CRCP: variants seen among roughly 807,000 people sequenced by gnomAD.
The protein encoded by CRCP is CGRP receptor component.
In CRCP, 18 loss-of-function variants were observed where a neutral mutation model predicts 18.5. The ratio of observed to expected loss-of-function variants is 0.97; its 90% CI spans 0.67 to 1.44. The LOEUF (loss-of-function observed/expected upper bound fraction) is 1.44, where lower values mean the gene tolerates loss of function less well. CRCP is among the 40% of genes most tolerant of loss of function. The pLI is 0.00. For missense variants in CRCP, 130 were observed against 176.4 expected (o/e 0.74, Z 1.49); for synonymous variants, 53 against 62.9 (o/e 0.84, Z 0.75).
intron 2 of CRCP, among the ~76,000 whole-genome samples, chr7:66,129,826 G>A (rs529212800): frequency 1.3e-5 from 2 of 152,152 alleles, no homozygotes; most frequent in East Asian, 1.9e-4. Flanking sequence ...GATGAGAGGG[G>A]TCGTATTGTA....
chr7:66,128,592 C>T (rs922822998), intron 2 of CRCP: 1 of 151,160 alleles, frequency 6.6e-6, no homozygotes, highest in African/African-American at 2.4e-5. Flanking sequence ...GAGATTGAGA[C>T]CATCCTGGCC....
Position 66,137,458 on chromosome 7 carries a change from G to T in CRCP, c.239+3084G>T, listed in dbSNP as rs760728775. 9.2e-5 allele frequency among the ~76,000 whole-genome samples: 14 copies of T among 152,246 alleles called. No individual in the cohort carries two copies. In the South Asian group the frequency reaches 1.4e-3, roughly 16 times the overall value. ...TTTTCCTTCTTTTTCTTATTTCATT[G>T]CCCTGGCTGGGGCCTCCAGGATGAT... On this transcript the variant is annotated intron_variant, in intron 4 of 5. Coordinates refer to ENST00000395326, the MANE Select transcript of CRCP (RefSeq NM_014478.5).
chr7:66,117,607 C>T (rs146546007), intron 1 of CRCP, among the ~76,000 whole-genome samples: 1 of 152,304 alleles, frequency 6.6e-6, no homozygotes, highest in Non-Finnish European at 1.5e-5. Context: ...CACCTCTGGG[C>T]TGGATTAAGC....
chr7:66,135,429 CAG>C (rs1270969462), intron 4 of CRCP, among the ~76,000 whole-genome samples: 2 of 152,150 alleles, frequency 1.3e-5, no homozygotes, highest in Non-Finnish European at 2.9e-5. Flanking sequence ...AAAAACAAGA[CAG>C]AATTGAAATA....
intron 5 of CRCP, among the ~76,000 whole-genome samples, chr7:66,149,572 A>G (rs961712873): frequency 5.9e-5 from 9 of 152,150 alleles, no homozygotes; most frequent in Non-Finnish European, 1.0e-4. Context: ...TAATGTGCAG[A>G]AAAGAATTTT....
At chr7:66,133,858 C>CTTTTTTTTTTTTT (rs751345422) in intron 3 of CRCP, among the ~76,000 whole-genome samples, 5 of 96,718 alleles carry the variant, frequency 5.2e-5, no homozygotes, top group African/African-American at 8.6e-5. Context: ...TTTTTGTTTT[C>CTTTTTTTTTTTTT]TTTTTTTTTT....
intron 3 of CRCP, among the ~76,000 whole-genome samples, chr7:66,134,021 G>A: frequency 6.6e-6 from 1 of 151,596 alleles, no homozygotes; most frequent in East Asian, 1.9e-4. Flanking sequence ...TCCACACCCA[G>A]CTAATTTTTT....
At chr7:66,147,742 G>A (rs144447172) in intron 5 of CRCP, among the ~76,000 whole-genome samples, 6 of 152,276 alleles carry the variant, frequency 3.9e-5, no homozygotes, top group Admixed American at 1.3e-4. Flanking sequence ...TAGCAGTATC[G>A]CTTCTCACCA....
At chr7:66,115,862 G>T (rs989553900) in intron 1 of CRCP, among the ~76,000 whole-genome samples, 1 of 152,192 alleles carries the variant, frequency 6.6e-6, no homozygotes, top group African/African-American at 2.4e-5. Context: ...CAGGCGGGGT[G>T]TAATCATGGT....
At chr7:66,145,358 C>T in intron 4 of CRCP, 85 bp from the exon 5 acceptor site, 2 of 1,409,360 alleles carry the variant, frequency 1.4e-6, no homozygotes, top group South Asian at 1.2e-5. Context: ...CATTTTTTAT[C>T]TGGCAAATTA....
At chr7:66,126,055 A>C (rs1787609036) in intron 1 of CRCP, among the ~76,000 whole-genome samples, 1 of 149,534 alleles carries the variant, frequency 6.7e-6, no homozygotes, top group Non-Finnish European at 1.5e-5. Context: ...ATTCCTTTCA[A>C]ATATGATACT....
At chr7:66,144,286 A>G (rs906925631) in intron 4 of CRCP, among the ~76,000 whole-genome samples, 5 of 152,176 alleles carry the variant, frequency 3.3e-5, no homozygotes, top group African/African-American at 1.2e-4. Context: ...GAAAATTTAC[A>G]TGTATTTGTC....
chr7:66,127,266 C>T (rs1365693647), intron 1 of CRCP, among the ~76,000 whole-genome samples: 3 of 152,192 alleles, frequency 2.0e-5, no homozygotes, highest in South Asian at 4.1e-4. Context: ...GGCTTTTGGC[C>T]ACTGCTTGCC....
chr7:66,147,720 T>C (rs755983977), intron 5 of CRCP, among the ~76,000 whole-genome samples: 117 of 152,306 alleles, frequency 7.7e-4, no homozygotes, highest in Admixed American at 1.4e-3. Context: ...GCAAATTGTT[T>C]ACCAAGGTTT....
rs1318063206 is a variant in CRCP at position 66,143,784 on chromosome 7, C to A, written c.240-1659C>A. 6.6e-5 allele frequency among the ~76,000 whole-genome samples: 10 copies of A among 152,226 alleles called. No individual in the cohort carries two copies. In the East Asian group the frequency reaches 1.9e-3, roughly 29 times the overall value. ...TGCAACTGTAGACAAGTTATTTACT[C>A]TCTCAGTGTCAGTGAAATCTGAGGA... On this transcript the variant is annotated intron_variant, in intron 4 of 5. Transcript: ENST00000395326.
At position 66,154,563 on chromosome 7, in the gene CRCP, C is replaced by A. The variant is rs1584108369; in HGVS notation, c.*2206C>A. 6.7e-6 allele frequency: 1 copy of A among 149,112 alleles called. No homozygotes were observed. The allele number at this position is 149,112 out of a possible 1,614,324, so 9.2% of individuals were successfully genotyped here. On this transcript the variant is annotated 3_prime_UTR_variant, in exon 6 of 6. Coordinates refer to ENST00000395326, the MANE Select transcript of CRCP (RefSeq NM_014478.5). Reference sequence around the variant, plus strand: ...CAAATAAAGTGAAATCTGACTGAGGCTAAAATGTGTGATTTTTTTCTTAAA... The same window carrying A: ...CAAATAAAGTGAAATCTGACTGAGGATAAAATGTGTGATTTTTTTCTTAAA...
At chr7:66,143,298 C>A (rs1788193365) in intron 4 of CRCP, among the ~76,000 whole-genome samples, 1 of 152,228 alleles carries the variant, frequency 6.6e-6, no homozygotes, top group Admixed American at 6.5e-5. Flanking sequence ...CCAGCACCAG[C>A]CAGAGCATGC....
At chr7:66,125,944 T>C (rs969524169) in intron 1 of CRCP, among the ~76,000 whole-genome samples, 2 of 149,460 alleles carry the variant, frequency 1.3e-5, no homozygotes, top group Admixed American at 6.7e-5. Flanking sequence ...GCAGATTTCC[T>C]GATTAAGCAG....
chr7:66,152,270 C>G lies in CRCP; in HGVS notation c.360C>G (p.Val120=), dbSNP rs746821960. 1 of 1,614,124 alleles carries G rather than the reference C, an allele frequency of 6.2e-7. No individual in the cohort carries two copies. Residue 120 remains valine, a synonymous_variant, in exon 6 of 6, where the codon GTC becomes GTG. Coordinates refer to ENST00000395326, the MANE Select transcript of CRCP (RefSeq NM_014478.5). ...EEQIEALLHT[V]TSILPAEPEA... ...AGATTGAAGCTCTTCTCCACACCGT[C>G]ACCAGCATTCTGCCTGCAGAGCCAG...
Sources: allele counts gnomAD v4.1 joint callset (sites outside exome capture counted in the v4.1 genomes callset), GRCh38; gene constraint gnomAD v4.1.1; transcripts MANE v1.5; gene names NCBI Gene and HGNC (gene_info 2026-07-23, HGNC 2026-07-21).